Variants in CYGB observed in about 807,000 individuals in gnomAD.
CYGB encodes the protein cytoglobin.
In CYGB, 13 loss-of-function variants were observed where a neutral mutation model predicts 20.7. The ratio of observed to expected loss-of-function variants is 0.63; its 90% CI spans 0.41 to 1.00. The LOEUF is 1.00. Ranked by LOEUF, CYGB falls within the 50% of genes least tolerant of loss-of-function variation. CYGB has a pLI of 0.00. For synonymous variants in CYGB, 93 were observed against 107.4 expected (o/e 0.87, Z 0.83); for missense variants, 218 against 257.2 (o/e 0.85, Z 1.04).
intron 1 of CYGB, chr17:76,532,051 C>T: frequency 5.1e-6 from 1 of 194,378 alleles, no homozygotes; most frequent in African/African-American, 2.3e-5. Flanking sequence ...ATGAGTTGAT[C>T]TGAAATTAAA....
rs2074821561 is a variant in CYGB at position 76,530,332 on chromosome 17, AG to A, written c.539+646del. ...CCCTCCCCTCACGCTCCGAGTCAGC[AG>A]GAGTCACAGAGGGCGGCCACCCTCC... On this transcript the variant is annotated intron_variant, in intron 3 of 3. Transcript: ENST00000293230. This position sits in a 1 kb window ranked among gnomAD's most constrained non-coding sequence, Gnocchi z 6.1. 6.6e-6 allele frequency among the ~76,000 whole-genome samples: 1 copy of A among 152,154 alleles called. No homozygotes were observed. The highest frequency in any genetic ancestry group is 6.5e-5 in the Admixed American group (1 of 15,284).
In CYGB at chr17:76,531,200, C is replaced by G; in HGVS notation, c.376-58G>C. The G allele has an allele frequency of 6.4e-7, 1 of 1,551,894 alleles. No individual in the cohort carries two copies. The highest frequency in any genetic ancestry group is 8.8e-7 in the Non-Finnish European group (1 of 1,137,084). On this transcript the variant is annotated intron_variant, in intron 2 of 3. Transcript: ENST00000293230. The surrounding 1 kb of genome is among the most constrained non-coding windows in gnomAD (Gnocchi z 7.4). ...CCCGGGCGCCCTGCGTCCTGCAACCCCCAGGCCCCTCCGCCCCACGTGTGG... is the reference window on the plus strand; with the variant it reads ...CCCGGGCGCCCTGCGTCCTGCAACCGCCAGGCCCCTCCGCCCCACGTGTGG...
intron 1 of CYGB, among the ~76,000 whole-genome samples, chr17:76,547,942 TCA>T (rs1567915672): frequency 1.4e-5 from 2 of 146,252 alleles, no homozygotes; most frequent in African/African-American, 2.6e-5. Flanking sequence ...ACAAACATAT[TCA>T]CACACATATA....
chr17:76,542,442 C>T, upstream of CYGB: 1 of 1,255,396 alleles, frequency 8.0e-7, no homozygotes, highest in Non-Finnish European at 1.2e-6. Flanking sequence ...GTGGTCCTGC[C>T]CCTCAATATT....
chr17:76,542,681 C>A, upstream of CYGB: 1 of 1,277,678 alleles, frequency 7.8e-7, no homozygotes, highest in Non-Finnish European at 1.1e-6. Flanking sequence ...AGGCTTGGGA[C>A]AGGCAGGAAG....
intron 1 of CYGB, among the ~76,000 whole-genome samples, chr17:76,547,911 TTCAC>T (rs2075070292): frequency 8.8e-6 from 1 of 114,120 alleles, no homozygotes; most frequent in African/African-American, 4.8e-5. Context: ...ACATAACACA[TTCAC>T]ACACACATAC....
In CYGB at chr17:76,527,526, C is replaced by A; in HGVS notation, c.*1052G>T. The A allele has an allele frequency of 2.3e-6, 1 of 436,186 alleles. No individual in the cohort carries two copies. Among genetic ancestry groups the A allele is most frequent in the Non-Finnish European group, 4.7e-6 (1 of 214,298 alleles). 27.0% of individuals were successfully genotyped at this position (436,186 alleles called of 1,614,324 possible). A position where few individuals can be genotyped will look rare whatever the true frequency, so the allele number is the denominator to read the frequency against. On this transcript the variant is annotated 3_prime_UTR_variant, in exon 4 of 4. Transcript: ENST00000293230. Reference sequence around the variant, plus strand: ...CACAGCAGCAAAACATCCTTGAAGACGACACACGTGACCAAGGGGCACACA... The same window carrying A: ...CACAGCAGCAAAACATCCTTGAAGAAGACACACGTGACCAAGGGGCACACA...
In CYGB at chr17:76,528,440, C is replaced by T; in HGVS notation, c.*138G>A. On this transcript the variant is annotated 3_prime_UTR_variant, in exon 4 of 4. Coordinates refer to ENST00000293230, the MANE Select transcript of CYGB (RefSeq NM_134268.5). The surrounding 1 kb of genome is among the most constrained non-coding windows in gnomAD (Gnocchi z 5.8). ...CTCCAGGGGGGGACCCTGGCCGCCA[C>T]AGAGGCCTCCTTCGGGGAAGTTGAG... 3 of 828,082 alleles carry T rather than the reference C, an allele frequency of 3.6e-6. No homozygotes were observed. The highest frequency in any genetic ancestry group is 1.8e-5 in the African/African-American group (1 of 56,654). 51.3% of individuals were successfully genotyped at this position (828,082 alleles called of 1,614,324 possible). A position where few individuals can be genotyped will look rare whatever the true frequency, so the allele number is the denominator to read the frequency against.
chr17:76,529,379 G>A, intron 3 of CYGB: 1 of 985,446 alleles, frequency 1.0e-6, no homozygotes, highest in South Asian at 4.7e-5. Context: ...GAGCAGAAGT[G>A]GGCGGAGGAG....
intron 1 of CYGB, chr17:76,545,358 T>C: frequency 4.4e-6 from 2 of 456,712 alleles, no homozygotes; most frequent in Non-Finnish European, 8.8e-6. Context: ...GGGAATTAAA[T>C]CCTGACTATG....
At chr17:76,549,561 G>A (rs1415952191) in intron 1 of CYGB, among the ~76,000 whole-genome samples, 1 of 152,220 alleles carries the variant, frequency 6.6e-6, no homozygotes, top group Non-Finnish European at 1.5e-5. Context: ...AACCAGCATG[G>A]TGGTTCCTTA....
chr17:76,529,616 C>G, intron 3 of CYGB: 1 of 985,340 alleles, frequency 1.0e-6, no homozygotes. Flanking sequence ...ACAAACTCAT[C>G]TTTGGCAGCA....
chr17:76,540,262 G>GCAT, upstream of CYGB: 1 of 738,400 alleles, frequency 1.4e-6, no homozygotes, highest in Non-Finnish European at 2.3e-6. The surrounding 1 kb of genome is among the most constrained non-coding windows in gnomAD (Gnocchi z 5.0). Context: ...GGGGGGGGGG[G>GCAT]GCATGGGGCT....
Position 76,531,140 on chromosome 17 carries a change from G to C in CYGB, c.378C>G (p.Ile126Met), listed in dbSNP as rs748825035. Reference protein sequence around the residue: ...KHKVEPVYFKILSGVILEVVA... With the variant: ...KHKVEPVYFKMLSGVILEVVA... ...CCACCTCCAGAATGACCCCAGAGAG[G>C]ATCTGGGGGCAAAGGGAGGAAGGGG... The change falls in exon 3 of 4, where the codon ATC (isoleucine) becomes ATG (methionine). Residue 126 changes from isoleucine to methionine, a missense_variant and splice_region_variant. Physicochemically the swap from Ile to Met is conservative, Grantham distance 10. Around this residue, in one of 2 missense-constraint regions of CYGB, gnomAD observed 66 missense variants for 107.4 expected, o/e 0.61. Transcript: ENST00000293230. This position sits in a 1 kb window ranked among gnomAD's most constrained non-coding sequence, Gnocchi z 7.4. 1 of 1,612,334 alleles carries C rather than the reference G, an allele frequency of 6.2e-7. No individual in the cohort carries two copies. The highest frequency in any genetic ancestry group is 1.1e-5 in the South Asian group (1 of 91,032).
intron 1 of CYGB, among the ~76,000 whole-genome samples, chr17:76,534,509 G>A (rs190861163): frequency 1.9e-3 from 293 of 152,238 alleles, no homozygotes; most frequent in African/African-American, 3.9e-3. Context: ...ACAGCTAAGC[G>A]GGTATTACCT....
chr17:76,540,059 C>T (rs2074967553), upstream of CYGB: 3 of 1,445,228 alleles, frequency 2.1e-6, no homozygotes, highest in Non-Finnish European at 1.9e-6. This position sits in a 1 kb window ranked among gnomAD's most constrained non-coding sequence, Gnocchi z 5.0. Context: ...GCAGTGGCTC[C>T]TGAGAGCTGG....
At chr17:76,550,279 GA>G (rs1167561104) in intron 1 of CYGB, 1 of 130,062 alleles carries the variant, frequency 7.7e-6, no homozygotes, top group Non-Finnish European at 1.6e-5. Flanking sequence ...TTTTTTTTTT[GA>G]GATGGAGTTT....
chr17:76,534,629 C>T (rs1472787963), intron 1 of CYGB, among the ~76,000 whole-genome samples: 2 of 152,238 alleles, frequency 1.3e-5, no homozygotes, highest in South Asian at 2.1e-4. Flanking sequence ...AATCCCCATC[C>T]TATGAATTAG....
rs1255731039 is a variant in CYGB, at chr17:76,528,574, G to A, written c.*4C>T. 20 of 1,287,254 alleles carry A rather than the reference G, an allele frequency of 1.6e-5. No homozygotes were observed. Among genetic ancestry groups the A allele is most frequent in the South Asian group, 3.1e-5 (1 of 32,304 alleles). The allele number at this position is 1,287,254 out of a possible 1,614,324, so 79.7% of individuals were successfully genotyped here. The stretch of plus-strand genomic sequence containing the variant: ...TGCCAGGGAGGGGGGTGGAGTTAGG[G>A]GTCCTACGGCCCCGAAGAGGGCAGT... On this transcript the variant is annotated 3_prime_UTR_variant, in exon 4 of 4. Transcript: ENST00000293230. This position sits in a 1 kb window ranked among gnomAD's most constrained non-coding sequence, Gnocchi z 5.8.
Sources: gnomAD v4.1 joint callset for allele counts (sites outside exome capture counted in the v4.1 genomes callset) on GRCh38, gnomAD v4.1.1 for gene constraint, gnomAD v4.1.1 regional missense constraint, Gnocchi (gnomAD v3.1) non-coding constraint, MANE v1.5 for transcripts, NCBI Gene and HGNC (gene_info 2026-07-23, HGNC 2026-07-21) for gene names.